Variants in CREBRF observed in about 807,000 individuals in gnomAD.
CREBRF encodes the protein CREB3 regulatory factor, also known as UPF0474 protein C5orf41.
CREBRF carries 5 observed loss-of-function variants against 66.1 expected under a neutral mutation model. The ratio of observed to expected loss-of-function variants is 0.08; its 90% confidence interval spans 0.04 to 0.16. The LOEUF (loss-of-function observed/expected upper bound fraction) is 0.16. Ranked by LOEUF, CREBRF falls within the 10% of genes least tolerant of loss-of-function variation. CREBRF has a pLI of 1.00. For synonymous variants in CREBRF, 229 were observed against 264.4 expected (o/e 0.87, Z 1.30); for missense variants, 531 against 744.9 (o/e 0.71, Z 3.34).
In CREBRF at chr5:173,108,667, A is replaced by G. The variant is rs1758804273; in HGVS notation, c.1266A>G (p.Ser422=). Residue 422 remains serine, a synonymous_variant, in exon 5 of 9, where the codon TCA becomes TCG. Coordinates refer to ENST00000296953, the MANE Select transcript of CREBRF (RefSeq NM_153607.3). ...DSVEDLKEVT[S]ISSRKRGKRR... Reference sequence around the variant, plus strand: ...TAGAAGACCTGAAGGAGGTGACTTCAATATCTTCACGGAAGAGAGGTAAAA... The same window carrying G: ...TAGAAGACCTGAAGGAGGTGACTTCGATATCTTCACGGAAGAGAGGTAAAA... The G allele has an allele frequency of 6.2e-7, 1 of 1,613,576 alleles. No individual in the cohort carries two copies. The highest frequency in any genetic ancestry group is 1.3e-5 in the African/African-American group (1 of 74,914).
Position 173,083,970 on chromosome 5 carries a change from A to C in CREBRF, c.10-2531A>C, listed in dbSNP as rs1758050003. ...GAAAGAAGTTAGAAATTAACTTCCC[A>C]AAAAATCAGCAAATGGCAGACAGAT... On this transcript the variant is annotated intron_variant, in intron 2 of 8. Coordinates refer to ENST00000296953, the MANE Select transcript of CREBRF (RefSeq NM_153607.3). Among the ~76,000 whole-genome samples, 4 of 152,146 alleles carry C rather than the reference A, an allele frequency of 2.6e-5. No individual in the cohort carries two copies. In the South Asian group the frequency reaches 8.3e-4, roughly 32 times the overall value.
In CREBRF at chr5:173,112,383, A is replaced by C. The variant is rs144292318; in HGVS notation, c.1681+4A>C. On this transcript the variant is annotated splice_donor_region_variant and intron_variant, in intron 7 of 8. Coordinates refer to ENST00000296953, the MANE Select transcript of CREBRF (RefSeq NM_153607.3). ...TGGGGCCTCAACACAGAATATGGTA[A>C]ACCTAAAGTTTTAAGAAGTTGATTA... 1 of 1,566,742 alleles carries C rather than the reference A, an allele frequency of 6.4e-7. No homozygotes were observed. The highest frequency in any genetic ancestry group is 8.7e-7 in the Non-Finnish European group (1 of 1,151,832).
chr5:173,074,270 C>T (rs1757685644), intron 1 of CREBRF, among the ~76,000 whole-genome samples: 1 of 146,020 alleles, frequency 6.8e-6, no homozygotes, highest in Admixed American at 7.0e-5. Flanking sequence ...CATTGCACTC[C>T]AGCCTAGGCA....
intron 4 of CREBRF, among the ~76,000 whole-genome samples, chr5:173,096,953 C>A (rs1758493313): frequency 6.6e-6 from 1 of 151,964 alleles, no homozygotes; most frequent in Non-Finnish European, 1.5e-5. Context: ...AAGATAAATC[C>A]CACTTCATCA....
At chr5:173,074,611 T>A (rs1037929579) in intron 1 of CREBRF, among the ~76,000 whole-genome samples, 1 of 151,684 alleles carries the variant, frequency 6.6e-6, no homozygotes, top group East Asian at 1.9e-4. Context: ...TTTTTTAAAA[T>A]TTTTATTTAT....
At chr5:173,089,945 C>T (rs748796917) in intron 3 of CREBRF, among the ~76,000 whole-genome samples, 4 of 152,030 alleles carry the variant, frequency 2.6e-5, no homozygotes, top group African/African-American at 4.8e-5. Context: ...TCCCCCTGCC[C>T]CCACCCTACC....
chr5:173,086,726 G>T, intron 3 of CREBRF, 100 bp downstream of exon 3: 1 of 1,032,898 alleles, frequency 9.7e-7, no homozygotes, highest in Non-Finnish European at 1.4e-6. Context: ...AGATGTGCTT[G>T]GGCCAAGTTT....
At chr5:173,127,167 T>C (rs930618391) in intron 8 of CREBRF, among the ~76,000 whole-genome samples, 76 of 148,182 alleles carry the variant, frequency 5.1e-4, no homozygotes, top group East Asian at 2.7e-3. Context: ...TTTTTCTTTT[T>C]TTTTTTTTTT....
chr5:173,120,769 C>T (rs1759121598), intron 7 of CREBRF, among the ~76,000 whole-genome samples: 1 of 133,342 alleles, frequency 7.5e-6, no homozygotes, highest in Non-Finnish European at 1.5e-5. Context: ...TCACAGCTCA[C>T]TGTAACCTCC....
At chr5:173,065,307 T>TA (rs1449014968) in intron 1 of CREBRF, among the ~76,000 whole-genome samples, 1 of 152,154 alleles carries the variant, frequency 6.6e-6, no homozygotes, top group Admixed American at 6.5e-5. Flanking sequence ...TGGTTTGAGC[T>TA]AAGGCAGAGG....
intron 7 of CREBRF, among the ~76,000 whole-genome samples, chr5:173,116,811 TC>T (rs1759000426): frequency 2.6e-5 from 4 of 152,208 alleles, no homozygotes; most frequent in African/African-American, 4.8e-5. Flanking sequence ...TAAACTGTTT[TC>T]CCAACTGACT....
intron 7 of CREBRF, among the ~76,000 whole-genome samples, chr5:173,118,446 A>ATT (rs1031436895): frequency 6.7e-6 from 1 of 148,522 alleles, no homozygotes; most frequent in Non-Finnish European, 1.5e-5. Flanking sequence ...CTTTTCTTGT[A>ATT]TTTTTTTTTT....
Position 173,090,818 on chromosome 5 carries a change from C to A in CREBRF, c.639C>A (p.Ile213=). The change falls in exon 4 of 9, where the codon ATC becomes ATA. Residue 213 remains isoleucine, a synonymous_variant. Coordinates refer to ENST00000296953, the MANE Select transcript of CREBRF (RefSeq NM_153607.3). This position sits in a 1 kb window ranked among gnomAD's most constrained non-coding sequence, Gnocchi z 4.5. ...KASKPTSSTQ[I]MVKTNMYHNE... is the part of the protein sequence containing the mutation. ...GTAAACCCACTTCAAGCACACAAAT[C>A]ATGGTGAAGACCAACATGTATCATA... 6.2e-7 allele frequency: 1 copy of A among 1,614,150 alleles called. No individual in the cohort carries two copies. Among genetic ancestry groups the A allele is most frequent in the African/African-American group, 1.3e-5 (1 of 75,050 alleles).
intron 7 of CREBRF, among the ~76,000 whole-genome samples, chr5:173,118,622 G>A (rs1759063954): frequency 6.6e-6 from 1 of 150,872 alleles, no homozygotes; most frequent in Non-Finnish European, 1.5e-5. Flanking sequence ...CCATTGAATT[G>A]TTTTTGCACC....
At chr5:173,080,982 A>T (rs1757923373) in intron 2 of CREBRF, among the ~76,000 whole-genome samples, 198 bp downstream of exon 2, 1 of 152,178 alleles carries the variant, frequency 6.6e-6, no homozygotes, top group African/African-American at 2.4e-5. Flanking sequence ...CTTGAAGTTT[A>T]ATGAGTTCTA....
chr5:173,082,816 G>C (rs1239015437), intron 2 of CREBRF, among the ~76,000 whole-genome samples: 1 of 148,906 alleles, frequency 6.7e-6, no homozygotes, highest in Non-Finnish European at 1.5e-5. Flanking sequence ...GGCTGAGGCG[G>C]GAGAATCGCA....
Position 173,129,106 on chromosome 5 carries a change from C to CTTT in CREBRF, c.1805-4498_1805-4496dup, listed in dbSNP as rs70984946. 2.0e-3 allele frequency among the ~76,000 whole-genome samples: 107 copies of CTTT among 53,750 alleles called. 18 individuals are homozygous for CTTT. The highest frequency in any genetic ancestry group is 6.1e-3 in the African/African-American group (75 of 12,290). The allele number at this position is 53,750 out of a possible 152,430, so 35.3% of individuals were successfully genotyped here. ...CTGAATCATTTTATATTAGTTACATCTTTTTTTTTTTTTTTTTTTTTTTTT... is the reference window on the plus strand; with the variant it reads ...CTGAATCATTTTATATTAGTTACATCTTTTTTTTTTTTTTTTTTTTTTTTTTTT... On this transcript the variant is annotated intron_variant, in intron 8 of 8. Coordinates refer to ENST00000296953, the MANE Select transcript of CREBRF (RefSeq NM_153607.3).
chr5:173,128,786 T>C (rs1006105209), intron 8 of CREBRF, among the ~76,000 whole-genome samples: 1 of 151,666 alleles, frequency 6.6e-6, no homozygotes, highest in Non-Finnish European at 1.5e-5. Flanking sequence ...TTTTATTTTA[T>C]TTATTTATTT....
At chr5:173,061,967 T>C (rs1408671599) in intron 1 of CREBRF, among the ~76,000 whole-genome samples, 1 of 152,238 alleles carries the variant, frequency 6.6e-6, no homozygotes, top group African/African-American at 2.4e-5. Context: ...AGAGAATATA[T>C]TGACCTTTAT....
Sources: allele counts gnomAD v4.1 joint callset (sites outside exome capture counted in the v4.1 genomes callset), GRCh38; gene constraint gnomAD v4.1.1; non-coding constraint Gnocchi (gnomAD v3.1); transcripts MANE v1.5; gene names NCBI Gene and HGNC (gene_info 2026-07-23, HGNC 2026-07-21).